DYNC2H1: variants seen among roughly 807,000 people sequenced by gnomAD.
DYNC2H1 encodes the protein dynein cytoplasmic 2 heavy chain 1.
Under a neutral mutation model 570.0 loss-of-function variants are expected in DYNC2H1, and 410 were observed. The ratio of observed to expected loss-of-function variants is 0.72; its 90% CI spans 0.66 to 0.78. The LOEUF (loss-of-function observed/expected upper bound fraction) is 0.78. Ranked by LOEUF, DYNC2H1 falls within the 30% of genes least tolerant of loss-of-function variation. The pLI is 0.00. For synonymous variants in DYNC2H1, 1,688 were observed against 1,677.6 expected, an observed-to-expected ratio of 1.01 and a Z score of -0.15; for missense variants, 4,865 against 5,046.4, an observed-to-expected ratio of 0.96 and a Z score of 1.09.
chr11:103,309,356 C>CTTTT (rs61629207), intron 78 of DYNC2H1, among the ~76,000 whole-genome samples: 1 of 141,360 alleles, frequency 7.1e-6, no homozygotes. Flanking sequence ...TATTTCTTTT[C>CTTTT]TTTTTTTTTT....
In DYNC2H1 at chr11:103,158,794, A is replaced by C; in HGVS notation, c.4245A>C (p.Leu1415Phe). The change falls in exon 27 of 89, where the codon TTA (leucine) becomes TTC (phenylalanine). Residue 1415 changes from leucine to phenylalanine, a missense_variant. Around this residue, in one of 5 missense-constraint regions of DYNC2H1, gnomAD observed 1,936 missense variants for 1,962.1 expected, o/e 0.99. Coordinates refer to ENST00000375735, the MANE Select transcript of DYNC2H1 (RefSeq NM_001377.3). The part of the protein sequence containing the change: ...LDQLQRCQKS[L>F]NEFLEEKRSA... ...AGCTTCAAAGATGTCAGAAATCATT[A>C]AATGAATTTTTGGAGGCATGTTTTT... 6.8e-7 allele frequency: 1 copy of C among 1,471,148 alleles called. No individual in the cohort carries two copies. Among genetic ancestry groups the C allele is most frequent in the Non-Finnish European group, 9.1e-7 (1 of 1,097,062 alleles). 91.1% of individuals were successfully genotyped at this position (1,471,148 alleles called of 1,614,324 possible).
In DYNC2H1 at chr11:103,325,322, C is replaced by T. The variant is rs1424450446; in HGVS notation, c.12039+1332C>T. Among the ~76,000 whole-genome samples, 1 of 152,130 alleles carries T rather than the reference C, an allele frequency of 6.6e-6. No homozygotes were observed. The highest frequency in any genetic ancestry group is 1.5e-5 in the Non-Finnish European group (1 of 68,024). ...AGAATTGTATTTCCTAGGTTGTCTC[C>T]CATGGTTTTTATAGTTTTAGCTTTT... is the stretch of plus-strand genomic sequence containing the variant. On this transcript the variant is annotated intron_variant, in intron 82 of 88. Transcript: ENST00000375735. This position sits in a 1 kb window ranked among gnomAD's most constrained non-coding sequence, Gnocchi z 4.8.
In DYNC2H1 at chr11:103,421,520, A is replaced by G. The variant is rs531019144; in HGVS notation, c.12367-14423A>G. The stretch of plus-strand genomic sequence containing the variant: ...ATAACAAACGGTCTCTTAGACCACA[A>G]TGCAATCAAATTAGAACTCAAGATT... On this transcript the variant is annotated intron_variant, in intron 84 of 88. Coordinates refer to ENST00000375735, the MANE Select transcript of DYNC2H1 (RefSeq NM_001377.3). Among the ~76,000 whole-genome samples the G allele has an allele frequency of 1.6e-4, 24 of 152,268 alleles. 2 individuals carry two copies. In the South Asian group the frequency reaches 3.5e-3, roughly 22 times the overall value.
intron 83 of DYNC2H1, among the ~76,000 whole-genome samples, chr11:103,358,973 A>T (rs1940500658): frequency 6.6e-6 from 1 of 152,222 alleles, no homozygotes; most frequent in Admixed American, 6.5e-5. Flanking sequence ...TATTGCAAAG[A>T]TCTCATCTTA....
chr11:103,180,625 G>T (rs555599306), intron 39 of DYNC2H1, among the ~76,000 whole-genome samples: 2 of 151,706 alleles, frequency 1.3e-5, no homozygotes, highest in South Asian at 4.1e-4. Flanking sequence ...TATTTGTTGA[G>T]CACTTGCTAT....
At chr11:103,312,890 G>A (rs1867665859) in intron 79 of DYNC2H1, among the ~76,000 whole-genome samples, 1 of 152,114 alleles carries the variant, frequency 6.6e-6, no homozygotes, top group Admixed American at 6.5e-5. Flanking sequence ...TATAAACTCA[G>A]GAGCTGTTCT....
At chr11:103,437,222 T>C (rs1420793702) in intron 85 of DYNC2H1, among the ~76,000 whole-genome samples, 2 of 152,156 alleles carry the variant, frequency 1.3e-5, no homozygotes, top group African/African-American at 4.8e-5. Context: ...CTCTCTCATC[T>C]ACAAATTTGT....
chr11:103,312,219 A>T (rs911244838), intron 79 of DYNC2H1, among the ~76,000 whole-genome samples, 186 bp downstream of exon 79: 4 of 151,922 alleles, frequency 2.6e-5, no homozygotes, highest in African/African-American at 9.7e-5. Context: ...CATCTCTACT[A>T]AAAATACAAA....
intron 77 of DYNC2H1, among the ~76,000 whole-genome samples, chr11:103,307,434 C>T (rs1233368116): frequency 6.6e-6 from 1 of 152,012 alleles, no homozygotes; most frequent in Non-Finnish European, 1.5e-5. Context: ...CTATTATTAT[C>T]CTTGTTTAGA....
intron 30 of DYNC2H1, among the ~76,000 whole-genome samples, chr11:103,165,309 A>C (rs1000351257): frequency 6.6e-6 from 1 of 152,030 alleles, no homozygotes; most frequent in Non-Finnish European, 1.5e-5. Flanking sequence ...TGTATTTTTC[A>C]GTAGAGACGG....
At chr11:103,111,967 G>A (rs1300421070) in intron 1 of DYNC2H1, among the ~76,000 whole-genome samples, 1 of 152,208 alleles carries the variant, frequency 6.6e-6, no homozygotes, top group Admixed American at 6.5e-5. Context: ...CTAAACGCAT[G>A]CTACAGATAT....
rs1863896300 is a variant in DYNC2H1, at chr11:103,228,882, A to G, written c.9354-2378A>G. ...GGCAGGGATAGATGTATCTGAGCTCAGCCTCTCCTTTGGTGGGGCTTGTTG... is the reference window on the plus strand; with the variant it reads ...GGCAGGGATAGATGTATCTGAGCTCGGCCTCTCCTTTGGTGGGGCTTGTTG... On this transcript the variant is annotated intron_variant, in intron 59 of 88. Coordinates refer to ENST00000375735, the MANE Select transcript of DYNC2H1 (RefSeq NM_001377.3). This position sits in a 1 kb window ranked among gnomAD's most constrained non-coding sequence, Gnocchi z 6.1. 2.0e-5 allele frequency among the ~76,000 whole-genome samples: 3 copies of G among 152,078 alleles called. No individual in the cohort carries two copies. Among genetic ancestry groups the G allele is most frequent in the African/African-American group, 7.2e-5 (3 of 41,410 alleles).
chr11:103,154,445 C>CT lies in DYNC2H1; in HGVS notation c.3303-5dup. On this transcript the variant is annotated splice_region_variant and splice_polypyrimidine_tract_variant and intron_variant, in intron 22 of 88. Coordinates refer to ENST00000375735, the MANE Select transcript of DYNC2H1 (RefSeq NM_001377.3). ...AAATTTAATATTTCAATATTTGTTT[C>CT]TATAGTGATGATTGCCATCATTTTA... The CT allele has an allele frequency of 1.3e-6, 2 of 1,521,514 alleles. No homozygotes were observed. Among genetic ancestry groups the CT allele is most frequent in the South Asian group, 2.6e-5 (2 of 76,690 alleles). 94.3% of individuals were successfully genotyped at this position (1,521,514 alleles called of 1,614,324 possible).
At chr11:103,176,161 G>C in intron 36 of DYNC2H1, 74 bp from the exon 37 acceptor site, 1 of 1,153,278 alleles carries the variant, frequency 8.7e-7, no homozygotes, top group Non-Finnish European at 1.2e-6. Flanking sequence ...GCATATCAAG[G>C]CTATAGAATA....
At chr11:103,161,092 A>G (rs759902937) in intron 29 of DYNC2H1, 48 bp downstream of exon 29, 16 of 1,060,636 alleles carry the variant, frequency 1.5e-5, no homozygotes, top group African/African-American at 1.2e-4. Flanking sequence ...TTAACTATAT[A>G]TGAACTTTGT....
At chr11:103,381,175 G>C (rs985413271) in intron 83 of DYNC2H1, among the ~76,000 whole-genome samples, 4 of 152,146 alleles carry the variant, frequency 2.6e-5, no homozygotes, top group African/African-American at 7.2e-5. Flanking sequence ...AGAGCAAGGT[G>C]GGTGGGGACT....
At chr11:103,368,891 T>C (rs1262554390) in intron 83 of DYNC2H1, among the ~76,000 whole-genome samples, 1 of 152,160 alleles carries the variant, frequency 6.6e-6, no homozygotes, top group Non-Finnish European at 1.5e-5. Flanking sequence ...TGGCTGACTT[T>C]GGGCTGGAAT....
intron 25 of DYNC2H1, 70 bp from the exon 26 acceptor site, chr11:103,156,318 A>G (rs1055465713): frequency 4.3e-6 from 6 of 1,396,612 alleles, no homozygotes; most frequent in Non-Finnish European, 5.8e-6. Flanking sequence ...TTCATAAAAT[A>G]CTTTTCTATT....
chr11:103,422,815 T>G (rs1365988493), intron 84 of DYNC2H1, among the ~76,000 whole-genome samples: 1 of 152,112 alleles, frequency 6.6e-6, no homozygotes, highest in Non-Finnish European at 1.5e-5. Flanking sequence ...CTATTCAACA[T>G]AGTATTGAAA....
Sources: allele counts gnomAD v4.1 joint callset (sites outside exome capture counted in the v4.1 genomes callset), GRCh38; gene constraint gnomAD v4.1.1; regional missense constraint gnomAD v4.1.1; non-coding constraint Gnocchi (gnomAD v3.1); transcripts MANE v1.5; gene names NCBI Gene and HGNC (gene_info 2026-07-23, HGNC 2026-07-21).